The following STRADA variants were observed in gnomAD, a reference collection of about 807,000 sequenced individuals.
STRADA encodes STE20-related kinase adapter protein alpha.
In STRADA, 26 loss-of-function variants were observed where a neutral mutation model predicts 55.0. That is an observed-to-expected ratio of 0.47 (90% CI 0.35 to 0.66). STRADA has a LOEUF of 0.66. Among genes scored for constraint, STRADA ranks in the 30% least tolerant of loss-of-function variants. The pLI, the probability that STRADA is intolerant of heterozygous loss-of-function variation, is 0.01. For synonymous variants in STRADA, 197 were observed against 210.9 expected, an observed-to-expected ratio of 0.93 and a Z score of 0.57; for missense variants, 443 against 549.7, an observed-to-expected ratio of 0.81 and a Z score of 1.94.
At chr17:63,728,203 C>T (rs975862486) in intron 2 of STRADA, 131 bp downstream of exon 2, 7 of 794,028 alleles carry the variant, frequency 8.8e-6, no homozygotes, top group Admixed American at 2.7e-5. Context: ...CACTACCTGC[C>T]TTACTTCCTA....
At chr17:63,710,659 G>A in intron 7 of STRADA, 45 bp from the exon 8 acceptor site, 1 of 1,613,974 alleles carries the variant, frequency 6.2e-7, no homozygotes. Flanking sequence ...TAATGGAGGA[G>A]GAAAACACAG....
At chr17:63,728,651 C>A (rs1052426410) in intron 1 of STRADA, among the ~76,000 whole-genome samples, 3 of 151,092 alleles carry the variant, frequency 2.0e-5, no homozygotes, top group African/African-American at 7.3e-5. Context: ...GTAATCCCAG[C>A]ACTTTGGGAG....
rs144919702 is a variant in STRADA, at chr17:63,713,428, T to A, written c.326A>T (p.Asn109Ile). The change falls in exon 6 of 13, where the codon AAT becomes ATT. Residue 109 changes from asparagine (N) to isoleucine (I), a missense_variant. Transcript: ENST00000336174. ...VRRINLEACS[N>I]EMVTFLQGEL... ...TACCTGCAAGAATGTTACCATCTCATTGGAACAAGCTTCTAGGTTAATCCT... is the reference window on the plus strand; with the variant it reads ...TACCTGCAAGAATGTTACCATCTCAATGGAACAAGCTTCTAGGTTAATCCT... 1 of 1,613,978 alleles carries A rather than the reference T, an allele frequency of 6.2e-7. No individual in the cohort carries two copies. Among genetic ancestry groups the A allele is most frequent in the Admixed American group, 1.7e-5 (1 of 60,004 alleles).
intron 10 of STRADA, chr17:63,706,270 C>CT (rs2036082883): frequency 6.0e-6 from 1 of 166,676 alleles, no homozygotes; most frequent in Non-Finnish European, 1.3e-5. Flanking sequence ...TGTGGGAATT[C>CT]TAAATTAGAA....
chr17:63,711,354 C>T (rs1222072770), intron 6 of STRADA, among the ~76,000 whole-genome samples: 1 of 151,688 alleles, frequency 6.6e-6, no homozygotes, highest in Non-Finnish European at 1.5e-5. Context: ...AAAATGTTTT[C>T]TTTTTTATTT....
chr17:63,723,228 A>G, intron 4 of STRADA, 70 bp downstream of exon 4: 1 of 1,534,952 alleles, frequency 6.5e-7, no homozygotes, highest in Non-Finnish European at 9.0e-7. Flanking sequence ...AGCCAACAAA[A>G]CACACAAACT....
intron 5 of STRADA, 152 bp downstream of exon 5, chr17:63,713,854 A>G (rs1185881449): frequency 2.7e-5 from 19 of 704,866 alleles, no homozygotes; most frequent in Non-Finnish European, 4.6e-5. Flanking sequence ...TTGGCATAAA[A>G]AAACAGAGAA....
chr17:63,733,720 C>G (rs774718085), intron 1 of STRADA, among the ~76,000 whole-genome samples: 8 of 152,224 alleles, frequency 5.3e-5, no homozygotes, highest in Non-Finnish European at 8.8e-5. Flanking sequence ...TTTGTACAAA[C>G]AGTATGGTTT....
At chr17:63,721,180 T>A (rs992699388) in intron 4 of STRADA, among the ~76,000 whole-genome samples, 7 of 151,252 alleles carry the variant, frequency 4.6e-5, no homozygotes, top group African/African-American at 1.7e-4. Flanking sequence ...GAGACCATCC[T>A]GGACAACATG....
intron 4 of STRADA, among the ~76,000 whole-genome samples, chr17:63,717,372 A>T (rs2036963767): frequency 6.6e-6 from 1 of 152,122 alleles, no homozygotes; most frequent in South Asian, 2.1e-4. Flanking sequence ...CAATGGCGTG[A>T]TCTCAGCTCA....
At position 63,703,427 on chromosome 17, in the gene STRADA, T is replaced by G. The variant is rs116245925; in HGVS notation, c.*172A>C. ...TTGTGTCTCAAAAGCCTTGGAGCAGTGAAGTGTCTCTCCAGGATTTTCTTT... is the reference window on the plus strand; with the variant it reads ...TTGTGTCTCAAAAGCCTTGGAGCAGGGAAGTGTCTCTCCAGGATTTTCTTT... On this transcript the variant is annotated 3_prime_UTR_variant, in exon 13 of 13. Coordinates refer to ENST00000336174, the MANE Select transcript of STRADA (RefSeq NM_001003787.4). 1,481 of 649,818 alleles carry G rather than the reference T, an allele frequency of 2.3e-3. 22 individuals carry two copies. In the African/African-American group the frequency reaches 0.024, roughly 11 times the overall value. The allele number at this position is 649,818 out of a possible 1,614,324, so 40.3% of individuals were successfully genotyped here. A position where few individuals can be genotyped will look rare whatever the true frequency, so the allele number is the denominator to read the frequency against.
intron 1 of STRADA, among the ~76,000 whole-genome samples, chr17:63,729,250 A>G (rs933972331): frequency 1.4e-4 from 21 of 152,110 alleles, no homozygotes; most frequent in Admixed American, 1.2e-3. Context: ...TTAGACTTTT[A>G]AAATTTTCTT....
In STRADA at chr17:63,734,791, T is replaced by C. The variant is rs535461595; in HGVS notation, c.-44-6378A>G. 1.4e-4 allele frequency among the ~76,000 whole-genome samples: 22 copies of C among 152,242 alleles called. No individual in the cohort carries two copies. In the East Asian group the frequency reaches 3.7e-3, roughly 25 times the overall value. ...AAAATGGTAAAGACACACAAAGAAC[T>C]TGGAAATGTTTCAAAGATAGTAAAG... On this transcript the variant is annotated intron_variant, in intron 1 of 12. Transcript: ENST00000336174.
intron 1 of STRADA, among the ~76,000 whole-genome samples, chr17:63,734,628 C>T (rs1198685402): frequency 6.6e-6 from 1 of 151,806 alleles, no homozygotes; most frequent in Non-Finnish European, 1.5e-5. Context: ...CAGAGTGAGA[C>T]CCTGTCTCAA....
At chr17:63,705,001 G>T in intron 10 of STRADA, 1 of 1,210,834 alleles carries the variant, frequency 8.3e-7, no homozygotes, top group Non-Finnish European at 1.2e-6. Context: ...GGCAGTCCCT[G>T]CAGTGCCACA....
chr17:63,707,660 AG>A (rs2036194656), intron 8 of STRADA: 2 of 474,540 alleles, frequency 4.2e-6, no homozygotes, highest in Admixed American at 7.1e-5. Context: ...CCTGGGTTCA[AG>A]CAATTCCTGT....
At chr17:63,735,944 C>T (rs2038388838) in intron 1 of STRADA, among the ~76,000 whole-genome samples, 1 of 149,388 alleles carries the variant, frequency 6.7e-6, no homozygotes, top group African/African-American at 2.5e-5. Context: ...TTCTATTCCT[C>T]TTTTTTTTTT....
intron 4 of STRADA, among the ~76,000 whole-genome samples, chr17:63,715,920 T>C (rs2036842747): frequency 3.3e-5 from 5 of 152,168 alleles, no homozygotes; most frequent in Admixed American, 6.5e-5. Context: ...AGTTCTGCTA[T>C]TATGGACTGT....
intron 1 of STRADA, among the ~76,000 whole-genome samples, chr17:63,734,654 A>G (rs1017454195): frequency 1.5e-4 from 23 of 152,226 alleles, no homozygotes; most frequent in African/African-American, 5.5e-4. Context: ...AAGAAAAAAG[A>G]ATCAGGGATA....
Sources: allele counts gnomAD v4.1 joint callset (sites outside exome capture counted in the v4.1 genomes callset), GRCh38; gene constraint gnomAD v4.1.1; transcripts MANE v1.5; gene names NCBI Gene and HGNC (gene_info 2026-07-23, HGNC 2026-07-21).